The following PHLPP1 variants were observed in gnomAD, a reference collection of about 807,000 sequenced individuals.
PHLPP1 encodes PH domain leucine-rich repeat-containing protein phosphatase 1.
In PHLPP1, 42 loss-of-function variants were observed where a neutral mutation model predicts 117.2. The ratio of observed to expected loss-of-function variants is 0.36; its 90% CI spans 0.28 to 0.46. The LOEUF (loss-of-function observed/expected upper bound fraction) is 0.46, where lower values mean the gene tolerates loss of function less well. PHLPP1 is among the 20% of genes least tolerant of loss of function. The pLI, the probability that PHLPP1 is intolerant of heterozygous loss-of-function variation, is 1.00. For synonymous variants in PHLPP1, 1,042 were observed against 970.7 expected (o/e 1.07, Z -1.37); for missense variants, 2,084 against 2,241.9 (o/e 0.93, Z 1.42).
chr18:62,875,798 T>C (rs1274169705), intron 4 of PHLPP1, among the ~76,000 whole-genome samples: 1 of 152,102 alleles, frequency 6.6e-6, no homozygotes, highest in East Asian at 1.9e-4. Context: ...AGTGACACGA[T>C]TTCAGCTCAC....
chr18:62,945,181 G>A lies in PHLPP1; in HGVS notation c.3234G>A (p.Thr1078=), dbSNP rs751408166. The stretch of plus-strand genomic sequence containing the variant: ...ATAAGCTGAAAGCCATCCCAACAAC[G>A]ATCATGAATTGCAGGCGCATGCACA... The part of the protein sequence containing the change: ...SGNKLKAIPT[T]IMNCRRMHTV... The change falls in exon 12 of 17, where the codon ACG becomes ACA. Residue 1078 remains threonine, a synonymous_variant. Transcript: ENST00000262719. 8 of 1,612,840 alleles carry A rather than the reference G, an allele frequency of 5.0e-6. No homozygotes were observed. The East Asian group carries it at 8.9e-5, about 18-fold the overall frequency.
chr18:62,785,620 C>T (rs185866670), intron 1 of PHLPP1, among the ~76,000 whole-genome samples: 1 of 152,156 alleles, frequency 6.6e-6, no homozygotes, highest in Non-Finnish European at 1.5e-5. Flanking sequence ...GCAAGAAAAG[C>T]GTAACATGAA....
chr18:62,757,940 A>G (rs1034625098), intron 1 of PHLPP1, among the ~76,000 whole-genome samples: 4 of 152,182 alleles, frequency 2.6e-5, no homozygotes, highest in African/African-American at 9.7e-5. Flanking sequence ...GTGTGTTCGG[A>G]TTTGAAAGAA....
intron 1 of PHLPP1, among the ~76,000 whole-genome samples, chr18:62,793,569 A>G (rs1913528339): frequency 6.6e-6 from 1 of 152,218 alleles, no homozygotes; most frequent in South Asian, 2.1e-4. Context: ...AGAACTTAAT[A>G]TACATTATAA....
At chr18:62,774,298 T>G (rs1258066349) in intron 1 of PHLPP1, among the ~76,000 whole-genome samples, 2 of 152,184 alleles carry the variant, frequency 1.3e-5, no homozygotes, top group Non-Finnish European at 2.9e-5. Context: ...ACTTCCAGAT[T>G]GTTAGACACG....
intron 14 of PHLPP1, among the ~76,000 whole-genome samples, chr18:62,968,529 CTTTTTTTTT>C (rs34849907): frequency 3.9e-5 from 2 of 51,774 alleles, no homozygotes; most frequent in African/African-American, 7.8e-5. Flanking sequence ...CATTATTAGG[CTTTTTTTTT>C]TTTTTTTTTT....
chr18:62,863,574 G>T (rs552096253), intron 4 of PHLPP1, among the ~76,000 whole-genome samples: 9 of 152,270 alleles, frequency 5.9e-5, no homozygotes, highest in Non-Finnish European at 1.0e-4. Flanking sequence ...CTGGGAAAGG[G>T]GTAGCCAAGT....
At chr18:62,749,009 TTTC>T (rs1332477781) in intron 1 of PHLPP1, among the ~76,000 whole-genome samples, 1 of 152,182 alleles carries the variant, frequency 6.6e-6, no homozygotes, top group Non-Finnish European at 1.5e-5. Flanking sequence ...ATAATCACCA[TTTC>T]TTCAACATCC....
chr18:62,744,728 C>G (rs1862668561), intron 1 of PHLPP1, among the ~76,000 whole-genome samples: 1 of 152,230 alleles, frequency 6.6e-6, no homozygotes. Flanking sequence ...GTTAGCACCT[C>G]TACTTCCTCC....
intron 15 of PHLPP1, among the ~76,000 whole-genome samples, chr18:62,973,019 C>G (rs747406620): frequency 6.6e-6 from 1 of 152,330 alleles, no homozygotes; most frequent in Non-Finnish European, 1.5e-5. Context: ...GCCATTTCTC[C>G]TCCCAAATCA....
chr18:62,891,413 C>T (rs1293235457), intron 4 of PHLPP1, among the ~76,000 whole-genome samples: 1 of 152,100 alleles, frequency 6.6e-6, no homozygotes, highest in Non-Finnish European at 1.5e-5. Flanking sequence ...CATAGTGAAA[C>T]CCTGTCTCTA....
chr18:62,903,684 TGCTGGAGCCCAGGA>T (rs1916780142), intron 7 of PHLPP1, among the ~76,000 whole-genome samples: 1 of 151,614 alleles, frequency 6.6e-6, no homozygotes. Context: ...GCAGGAGGAT[TGCTGGAGCCCAGGA>T]GGTGGAGGCT....
intron 4 of PHLPP1, among the ~76,000 whole-genome samples, chr18:62,875,324 G>A (rs1200919939): frequency 1.3e-5 from 2 of 151,962 alleles, no homozygotes; most frequent in Admixed American, 6.6e-5. Context: ...TACCACCAGC[G>A]TTTTTGTTTT....
intron 4 of PHLPP1, among the ~76,000 whole-genome samples, chr18:62,883,502 A>C (rs1255235343): frequency 6.6e-6 from 1 of 152,190 alleles, no homozygotes; most frequent in African/African-American, 2.4e-5. Context: ...GACCTATGTA[A>C]TTTTTGCCCA....
At chr18:62,771,939 G>A (rs146511263) in intron 1 of PHLPP1, among the ~76,000 whole-genome samples, 130 of 152,226 alleles carry the variant, frequency 8.5e-4, no homozygotes, top group Admixed American at 2.7e-3. Flanking sequence ...TTCAGATTTG[G>A]GAGCACTTCA....
intron 1 of PHLPP1, among the ~76,000 whole-genome samples, chr18:62,784,150 G>T (rs1375793543): frequency 2.0e-5 from 3 of 152,158 alleles, no homozygotes; most frequent in Non-Finnish European, 4.4e-5. Context: ...GCAGACAGTG[G>T]GGTATGTCTA....
In PHLPP1 at chr18:62,895,932, T is replaced by A. The variant is rs758381043; in HGVS notation, c.2365T>A (p.Cys789Ser). The change falls in exon 6 of 17, where the codon TGT becomes AGT. Residue 789 changes from cysteine to serine, a missense_variant. By Grantham distance (112) the Cys-to-Ser change is moderately radical. Around this residue, in one of 2 missense-constraint regions of PHLPP1, gnomAD observed 1,365 missense variants for 1,605.9 expected, o/e 0.85. Transcript: ENST00000262719. ...GAAATTGACTGCTGTGGATAAACTT[T>A]GTATGTCTGGAAACTGTGTGGAGAC... ...LEKLTAVDKL[C>S]MSGNCVETLR... 1.9e-6 allele frequency: 3 copies of A among 1,613,888 alleles called. No homozygotes were observed. In the Admixed American group the frequency reaches 5.0e-5, roughly 27 times the overall value.
At chr18:62,947,014 C>T (rs1217577046) in intron 12 of PHLPP1, among the ~76,000 whole-genome samples, 2 of 152,238 alleles carry the variant, frequency 1.3e-5, no homozygotes, top group African/African-American at 4.8e-5. Flanking sequence ...GATCGTGCCA[C>T]TGCGCTCCAG....
chr18:62,917,136 C>CCCATCT, intron 9 of PHLPP1, among the ~76,000 whole-genome samples: 1 of 149,774 alleles, frequency 6.7e-6, no homozygotes. Context: ...CTCTGTTTTG[C>CCCATCT]TGAAGGCTAC....
Sources: allele counts gnomAD v4.1 joint callset (sites outside exome capture counted in the v4.1 genomes callset), GRCh38; gene constraint gnomAD v4.1.1; regional missense constraint gnomAD v4.1.1; transcripts MANE v1.5; gene names NCBI Gene and HGNC (gene_info 2026-07-23, HGNC 2026-07-21).